The following EPHB2 variants were observed in gnomAD, a reference collection of about 807,000 sequenced individuals.
EPHB2 encodes EPH receptor B2, also known as ephrin type-B receptor 2.
In EPHB2, 18 loss-of-function variants were observed where a neutral mutation model predicts 96.4. The ratio of observed to expected loss-of-function variants is 0.19; its 90% CI spans 0.13 to 0.28. EPHB2 has a LOEUF of 0.28. EPHB2 is among the 10% of genes least tolerant of loss of function. EPHB2 has a pLI of 1.00. For synonymous variants in EPHB2, 506 were observed against 534.1 expected (o/e 0.95, Z 0.72); for missense variants, 989 against 1,355.4 (o/e 0.73, Z 4.25).
At chr1:22,732,653 C>T (rs1570170092) in intron 1 of EPHB2, among the ~76,000 whole-genome samples, 1 of 152,108 alleles carries the variant, frequency 6.6e-6, no homozygotes, top group East Asian at 1.9e-4. Flanking sequence ...TAGGGACTGC[C>T]CCCCGGCCCC....
chr1:22,806,508 T>C (rs893967), intron 3 of EPHB2, among the ~76,000 whole-genome samples: 26 of 3,262 alleles, frequency 8.0e-3, no homozygotes, highest in African/African-American at 9.0e-3. Context: ...GACGGACGGA[T>C]GGATGGATGG....
In EPHB2 at chr1:22,733,424, A is replaced by C. The variant is rs1217759068; in HGVS notation, c.61+22381A>C. Among the ~76,000 whole-genome samples, 1 of 152,206 alleles carries C rather than the reference A, an allele frequency of 6.6e-6. No individual in the cohort carries two copies. Among genetic ancestry groups the C allele is most frequent in the Non-Finnish European group, 1.5e-5 (1 of 68,034 alleles). On this transcript the variant is annotated intron_variant, in intron 1 of 15. Coordinates refer to ENST00000374630, the MANE Select transcript of EPHB2 (RefSeq NM_017449.5). The surrounding 1 kb of genome is among the most constrained non-coding windows in gnomAD (Gnocchi z 4.6). ...CCCAAAGAGGATAAGGACCTGTGCAAAGTCACACAGTGATGAGTGATGATA... is the reference window on the plus strand; with the variant it reads ...CCCAAAGAGGATAAGGACCTGTGCACAGTCACACAGTGATGAGTGATGATA...
rs1640306129 is a variant in EPHB2 at position 22,917,814 on chromosome 1, T to C, written c.*4244T>C. ...ATGAGAAACAGTTGGTGTCTGATGC[T>C]GGCCAATAAGAGAAAAGAAAGCTCA... is the stretch of plus-strand genomic sequence containing the variant. On this transcript the variant is annotated 3_prime_UTR_variant, in exon 16 of 16. Transcript: ENST00000374630. 1 of 152,202 alleles carries C rather than the reference T, an allele frequency of 6.6e-6. No homozygotes were observed. The highest frequency in any genetic ancestry group is 6.5e-5 in the Admixed American group (1 of 15,278). 9.4% of individuals were successfully genotyped at this position (152,202 alleles called of 1,614,324 possible).
chr1:22,731,823 G>C (rs912537463), intron 1 of EPHB2, among the ~76,000 whole-genome samples: 3 of 152,226 alleles, frequency 2.0e-5, no homozygotes, highest in African/African-American at 7.2e-5. Flanking sequence ...CTGGGCAACA[G>C]AGCAAGATTC....
chr1:22,789,380 C>A (rs1193124496), intron 3 of EPHB2, among the ~76,000 whole-genome samples: 2 of 152,120 alleles, frequency 1.3e-5, no homozygotes, highest in Non-Finnish European at 2.9e-5. Context: ...GTGGGGGAGT[C>A]CTCAGAGGGA....
chr1:22,812,040 A>G lies in EPHB2; in HGVS notation c.811+26964A>G, dbSNP rs145489821. On this transcript the variant is annotated intron_variant, in intron 3 of 15. Transcript: ENST00000374630. Reference sequence around the variant, plus strand: ...GGCAACAGAGCAAGAGCTTGTCTCAAAAAACGAAATAAAAACCCCAGCCAC... The same window carrying G: ...GGCAACAGAGCAAGAGCTTGTCTCAGAAAACGAAATAAAAACCCCAGCCAC... Among the ~76,000 whole-genome samples the G allele has an allele frequency of 9.5e-3, 1,440 of 152,342 alleles. 20 individuals carry two copies. Among genetic ancestry groups the G allele is most frequent in the African/African-American group, 0.033 (1,371 of 41,572 alleles).
intron 1 of EPHB2, among the ~76,000 whole-genome samples, chr1:22,720,664 C>CCG (rs1553157969): frequency 2.9e-5 from 3 of 103,398 alleles, no homozygotes; most frequent in African/African-American, 9.9e-5. Context: ...TCTCATTCCC[C>CCG]CCCCCCCCCG....
chr1:22,835,381 A>T (rs577762451), intron 3 of EPHB2, among the ~76,000 whole-genome samples: 114 of 152,272 alleles, frequency 7.5e-4, no homozygotes, highest in African/African-American at 2.6e-3. Flanking sequence ...CCCCATCTCA[A>T]AGAAAAAAGA....
intron 3 of EPHB2, among the ~76,000 whole-genome samples, chr1:22,834,216 C>T (rs1645347259): frequency 6.6e-6 from 1 of 152,128 alleles, no homozygotes; most frequent in Non-Finnish European, 1.5e-5. Flanking sequence ...AAAAATTACA[C>T]TTTTTCCCCC....
Position 22,917,076 on chromosome 1 carries a change from A to G in EPHB2, c.*3506A>G, listed in dbSNP as rs1640288957. On this transcript the variant is annotated 3_prime_UTR_variant, in exon 16 of 16. Transcript: ENST00000374630. ...CGGGGCAGTAGGAGACACTTAAGGG[A>G]CTCAGGGCTATGGCTGTTTACTAAC... 6.6e-6 allele frequency: 1 copy of G among 152,202 alleles called. No individual in the cohort carries two copies. The highest frequency in any genetic ancestry group is 2.1e-4 in the South Asian group (1 of 4,822). 9.4% of individuals were successfully genotyped at this position (152,202 alleles called of 1,614,324 possible). A position where few individuals can be genotyped will look rare whatever the true frequency, so the allele number is the denominator to read the frequency against.
chr1:22,838,591 A>G (rs904645107), intron 3 of EPHB2, among the ~76,000 whole-genome samples: 1 of 152,178 alleles, frequency 6.6e-6, no homozygotes, highest in Non-Finnish European at 1.5e-5. Context: ...GGGGTAAGCT[A>G]GCATGTAGCT....
intron 5 of EPHB2, among the ~76,000 whole-genome samples, chr1:22,865,576 G>T (rs1300702873): frequency 6.6e-6 from 1 of 152,154 alleles, no homozygotes; most frequent in South Asian, 2.1e-4. Context: ...AGGGACCCAG[G>T]TTATTTCCGT....
intron 3 of EPHB2, among the ~76,000 whole-genome samples, chr1:22,787,116 A>G (rs1644623417): frequency 6.6e-6 from 1 of 152,180 alleles, no homozygotes; most frequent in African/African-American, 2.4e-5. Flanking sequence ...TGCCTTCTGG[A>G]GCTCAGAGTC....
chr1:22,819,299 A>C (rs1645120038), intron 3 of EPHB2, among the ~76,000 whole-genome samples: 1 of 143,376 alleles, frequency 7.0e-6, no homozygotes, highest in African/African-American at 2.6e-5. Context: ...ATCTCCGGCC[A>C]CCGCCTCTCA....
chr1:22,898,225 T>C (rs1639632578), intron 9 of EPHB2, among the ~76,000 whole-genome samples: 1 of 151,530 alleles, frequency 6.6e-6, no homozygotes, highest in South Asian at 2.1e-4. Flanking sequence ...GAAAGTGCTA[T>C]AGGAAAAAGA....
chr1:22,803,623 ATATATATGTG>A (rs1270041457), intron 3 of EPHB2, among the ~76,000 whole-genome samples: 2 of 740 alleles, frequency 2.7e-3, no homozygotes, highest in African/African-American at 5.1e-3. Context: ...AATAATATAT[ATATATATGTG>A]TATATATATG....
Position 22,784,415 on chromosome 1 carries a change from T to C in EPHB2, c.150T>C (p.Asp50=). The change falls in exon 3 of 16, where the codon GAT becomes GAC. Residue 50 remains aspartate, a synonymous_variant. Transcript: ENST00000374630. This position sits in a 1 kb window ranked among gnomAD's most constrained non-coding sequence, Gnocchi z 5.1. Reference sequence around the variant, plus strand: ...AGTGGGAAGAGGTGAGTGGCTACGATGAGAACATGAACACGATCCGCACGT... The same window carrying C: ...AGTGGGAAGAGGTGAGTGGCTACGACGAGAACATGAACACGATCCGCACGT... ...PSGWEEVSGY[D]ENMNTIRTYQ... 10 of 1,614,100 alleles carry C rather than the reference T, an allele frequency of 6.2e-6. No individual in the cohort carries two copies. The highest frequency in any genetic ancestry group is 8.5e-6 in the Non-Finnish European group (10 of 1,180,034).
chr1:22,749,886 A>G (rs1256433506), intron 1 of EPHB2, among the ~76,000 whole-genome samples: 1 of 146,338 alleles, frequency 6.8e-6, no homozygotes, highest in Non-Finnish European at 1.6e-5. Flanking sequence ...AGGAGGGGAT[A>G]CATGAAGTTA....
chr1:22,816,241 C>T (rs940684794), intron 3 of EPHB2, among the ~76,000 whole-genome samples: 1 of 152,118 alleles, frequency 6.6e-6, no homozygotes, highest in Non-Finnish European at 1.5e-5. Context: ...ATAGCCCTGC[C>T]GGCCCTCCTA....
Sources: gnomAD v4.1 joint callset for allele counts (sites outside exome capture counted in the v4.1 genomes callset) on GRCh38, gnomAD v4.1.1 for gene constraint, Gnocchi (gnomAD v3.1) non-coding constraint, MANE v1.5 for transcripts, NCBI Gene and HGNC (gene_info 2026-07-23, HGNC 2026-07-21) for gene names.